CHL1: variants seen among roughly 807,000 people sequenced by gnomAD.
The protein encoded by CHL1 is neural cell adhesion molecule L1-like protein.
CHL1 carries 96 observed loss-of-function variants against 141.9 expected under a neutral mutation model. That is an observed-to-expected ratio of 0.68 (90% confidence interval 0.57 to 0.80). CHL1 has a LOEUF of 0.80. CHL1 is among the 30% of genes least tolerant of loss of function. The pLI is 0.00. For synonymous variants in CHL1, 613 were observed against 502.2 expected (o/e 1.22, Z -2.95); for missense variants, 1,820 against 1,457.2 (o/e 1.25, Z -4.05).
intron 24 of CHL1, among the ~76,000 whole-genome samples, chr3:396,087 G>A (rs1708643175): frequency 6.6e-6 from 1 of 152,038 alleles, no homozygotes; most frequent in Non-Finnish European, 1.5e-5. Context: ...CCTTTATGTG[G>A]GAAAATTGTA....
chr3:221,034 C>T (rs867704177), intron 1 of CHL1, among the ~76,000 whole-genome samples: 1 of 152,216 alleles, frequency 6.6e-6, no homozygotes, highest in Non-Finnish European at 1.5e-5. Flanking sequence ...TAGATAAACT[C>T]CTTGGACTAG....
intron 9 of CHL1, among the ~76,000 whole-genome samples, chr3:347,163 G>GT (rs200939451): frequency 2.4e-4 from 36 of 151,238 alleles, no homozygotes; most frequent in African/African-American, 3.4e-4. Flanking sequence ...TGCTCAAATA[G>GT]TTTTTTTTTC....
chr3:401,565 T>TGGTA (rs1439513086), intron 26 of CHL1, 61 bp from the exon 27 acceptor site: 5 of 957,718 alleles, frequency 5.2e-6, no homozygotes, highest in Non-Finnish European at 8.2e-6. Context: ...TCCACAGCAC[T>TGGTA]GGTAAAATGT....
At chr3:253,241 G>A (rs568497885) in intron 2 of CHL1, among the ~76,000 whole-genome samples, 74 of 152,214 alleles carry the variant, frequency 4.9e-4, no homozygotes, top group African/African-American at 1.7e-3. Context: ...AGCCATGGCT[G>A]TGATGTATCT....
chr3:257,720 T>G (rs1314566138), intron 2 of CHL1, among the ~76,000 whole-genome samples: 1 of 152,188 alleles, frequency 6.6e-6, no homozygotes, highest in Non-Finnish European at 1.5e-5. Context: ...TATTTAAAAT[T>G]GTTTTTATTT....
chr3:228,722 C>A (rs1701598199), intron 1 of CHL1, among the ~76,000 whole-genome samples: 1 of 152,166 alleles, frequency 6.6e-6, no homozygotes, highest in Admixed American at 6.6e-5. Context: ...TTTCTATCAA[C>A]TCCATGAGGG....
intron 13 of CHL1, 28 bp from the exon 14 acceptor site, chr3:363,189 G>C (rs1351891364): frequency 1.9e-6 from 3 of 1,592,622 alleles, no homozygotes; most frequent in Non-Finnish European, 2.6e-6. Flanking sequence ...CCCTACCTCA[G>C]ATGGATGTAC....
intron 2 of CHL1, among the ~76,000 whole-genome samples, chr3:294,921 G>T (rs1421209867): frequency 4.6e-5 from 7 of 152,074 alleles, no homozygotes; most frequent in Non-Finnish European, 7.4e-5. Context: ...TTTACTATGT[G>T]CCAGACACTA....
At chr3:230,473 T>G (rs1322842803) in intron 1 of CHL1, among the ~76,000 whole-genome samples, 1 of 152,166 alleles carries the variant, frequency 6.6e-6, no homozygotes, top group African/African-American at 2.4e-5. Flanking sequence ...TGTGCCTTTT[T>G]TAAACATCTA....
rs114942450 is a variant in CHL1 at position 401,999 on chromosome 3, C to A, written c.3458+301C>A. Among the ~76,000 whole-genome samples the A allele has an allele frequency of 1.3e-3, 195 of 152,270 alleles. 2 individuals are homozygous for A. The highest frequency in any genetic ancestry group is 4.5e-3 in the African/African-American group (186 of 41,554). On this transcript the variant is annotated intron_variant, in intron 27 of 27. Transcript: ENST00000256509. The stretch of plus-strand genomic sequence containing the variant: ...GGTAGCTAAAACATCTATAGCATGG[C>A]CATTATGAACTCGGGTTCAATCCAA...
intron 6 of CHL1, 106 bp downstream of exon 6, chr3:341,022 A>G (rs754217480): frequency 7.5e-6 from 9 of 1,204,696 alleles, no homozygotes; most frequent in Non-Finnish European, 1.0e-5. Flanking sequence ...AGATCTCTTA[A>G]TTTTTTCATA....
intron 2 of CHL1, among the ~76,000 whole-genome samples, chr3:301,947 AT>A (rs1250934828): frequency 1.3e-5 from 2 of 151,918 alleles, no homozygotes; most frequent in Non-Finnish European, 2.9e-5. Flanking sequence ...CCCTCCCTTT[AT>A]CCATGTGTTC....
chr3:324,949 G>A lies in CHL1; in HGVS notation c.92-1010G>A, dbSNP rs560075168. Among the ~76,000 whole-genome samples the A allele has an allele frequency of 9.5e-4, 145 of 151,948 alleles. 1 individual carries two copies. The highest frequency in any genetic ancestry group is 3.3e-3 in the African/African-American group (136 of 41,436). On this transcript the variant is annotated intron_variant, in intron 3 of 27. Coordinates refer to ENST00000256509, the MANE Select transcript of CHL1 (RefSeq NM_006614.4). ...AGATTACTTATCAAACACTAACAGA[G>A]TTTGTCACAAGAGGAGGGGATATTT... is the stretch of plus-strand genomic sequence containing the variant.
chr3:273,885 CT>C lies in CHL1; in HGVS notation c.-95+29196del, dbSNP rs577204676. 2.6e-3 allele frequency among the ~76,000 whole-genome samples: 389 copies of C among 152,220 alleles called. 2 individuals carry two copies. The highest frequency in any genetic ancestry group is 9.0e-3 in the African/African-American group (375 of 41,534). ...TGTTCCATGCTGTAACCAGATAATT[CT>C]TTCTGAAATACAAATTTGACCACGC... On this transcript the variant is annotated intron_variant, in intron 2 of 27. Transcript: ENST00000256509.
chr3:400,765 G>A (rs1709059659), intron 26 of CHL1, among the ~76,000 whole-genome samples: 1 of 151,864 alleles, frequency 6.6e-6, no homozygotes, highest in African/African-American at 2.4e-5. Flanking sequence ...TCACGCCTCT[G>A]CACTCCAGCC....
At chr3:370,797 T>C (rs1705535914) in intron 15 of CHL1, among the ~76,000 whole-genome samples, 1 of 152,210 alleles carries the variant, frequency 6.6e-6, no homozygotes, top group African/African-American at 2.4e-5. Context: ...CAGACTCTGA[T>C]ACATTGTGTC....
intron 2 of CHL1, among the ~76,000 whole-genome samples, chr3:270,420 A>C (rs1695539110): frequency 6.6e-6 from 1 of 152,180 alleles, no homozygotes; most frequent in African/African-American, 2.4e-5. Flanking sequence ...CGAGGTTGAA[A>C]GGGAGACTAC....
chr3:345,477 C>A (rs867824388), intron 9 of CHL1, among the ~76,000 whole-genome samples: 1 of 138,322 alleles, frequency 7.2e-6, no homozygotes, highest in South Asian at 2.3e-4. Context: ...ATTATTTATT[C>A]ATTTATTCAT....
intron 20 of CHL1, among the ~76,000 whole-genome samples, chr3:390,184 A>C (rs559225792): frequency 6.6e-6 from 1 of 152,324 alleles, no homozygotes; most frequent in South Asian, 2.1e-4. Context: ...TCACAAGTGA[A>C]TTAAGATAGT....
Sources: allele counts gnomAD v4.1 joint callset (sites outside exome capture counted in the v4.1 genomes callset), GRCh38; gene constraint gnomAD v4.1.1; transcripts MANE v1.5; gene names NCBI Gene and HGNC (gene_info 2026-07-23, HGNC 2026-07-21).